Variants in ZNF136 observed in about 807,000 individuals in gnomAD.
ZNF136 encodes the protein zinc finger protein 136, also known as zinc finger protein 136 (clone pHZ-20).
A neutral mutation model predicts 11.4 loss-of-function variants in ZNF136; 8 were observed. The ratio of observed to expected loss-of-function variants is 0.70; its 90% CI spans 0.41 to 1.27. The LOEUF (loss-of-function observed/expected upper bound fraction) is 1.27, where lower values mean the gene tolerates loss of function less well. Among genes scored for constraint, ZNF136 ranks in the 50% most tolerant of loss-of-function variants. The pLI is 0.01. For synonymous variants in ZNF136, 190 were observed against 207.1 expected (o/e 0.92, Z 0.71); for missense variants, 590 against 656.5 (o/e 0.90, Z 1.11).
In ZNF136 at chr19:12,179,317, CT is replaced by C. The variant is rs941639126; in HGVS notation, c.4-6458del. On this transcript the variant is annotated intron_variant, in intron 1 of 3. Transcript: ENST00000343979. ...CAAAAGAATTTCTTTTTTTTTTTTT[CT>C]TTTTTTTTTGAGATGGAGTCTCACT... is the stretch of plus-strand genomic sequence containing the variant. Among the ~76,000 whole-genome samples the C allele has an allele frequency of 9.5e-3, 1,230 of 130,110 alleles. 17 individuals carry two copies. Among genetic ancestry groups the C allele is most frequent in the African/African-American group, 0.029 (1,076 of 36,566 alleles). The allele number at this position is 130,110 out of a possible 152,430, so 85.4% of individuals were successfully genotyped here. A position where few individuals can be genotyped will look rare whatever the true frequency, so the allele number is the denominator to read the frequency against.
At chr19:12,163,954 T>C (rs1977148896) in intron 1 of ZNF136, 2 of 152,352 alleles carry the variant, frequency 1.3e-5, no homozygotes, top group African/African-American at 2.4e-5. Context: ...CAGGGTGATA[T>C]GCCTTCAGCG....
intron 1 of ZNF136, chr19:12,185,252 G>C (rs1219129353): frequency 6.6e-6 from 1 of 152,236 alleles, no homozygotes; most frequent in Non-Finnish European, 1.5e-5. Flanking sequence ...ATGCTAATGA[G>C]CAGTGAGAGC....
intron 1 of ZNF136, among the ~76,000 whole-genome samples, chr19:12,175,196 AT>A (rs111509960): frequency 3.4e-4 from 48 of 142,836 alleles, no homozygotes; most frequent in South Asian, 6.6e-4. Context: ...TTTTCTTTCG[AT>A]TTTTTTTTTT....
At position 12,187,773 on chromosome 19, in the gene ZNF136, A is replaced by G; in HGVS notation, c.1395A>G (p.Thr465=). 6.2e-7 allele frequency: 1 copy of G among 1,612,270 alleles called. No homozygotes were observed. The highest frequency in any genetic ancestry group is 8.5e-7 in the Non-Finnish European group (1 of 1,179,386). ...KAFSYLNSFR[T]HEMIHTGEKP... ...TCAGTTATCTCAACTCCTTTCGAAC[A>G]CATGAAATGATTCACACTGGTGAGA... The change falls in exon 4 of 4, where the codon ACA becomes ACG. Residue 465 remains threonine, a synonymous_variant. Transcript: ENST00000343979.
intron 1 of ZNF136, among the ~76,000 whole-genome samples, chr19:12,164,138 A>T (rs1977151620): frequency 6.6e-6 from 1 of 152,022 alleles, no homozygotes; most frequent in Non-Finnish European, 1.5e-5. Flanking sequence ...GACTAGGATA[A>T]ATCTAGCATA....
At chr19:12,176,023 T>C (rs946900150) in intron 1 of ZNF136, among the ~76,000 whole-genome samples, 3 of 152,210 alleles carry the variant, frequency 2.0e-5, no homozygotes, top group African/African-American at 4.8e-5. Flanking sequence ...CTCATTTATT[T>C]TTAGTACCTC....
intron 1 of ZNF136, among the ~76,000 whole-genome samples, chr19:12,178,995 GA>G (rs1914868461): frequency 8.3e-6 from 1 of 119,784 alleles, no homozygotes; most frequent in African/African-American, 3.1e-5. Flanking sequence ...TCTCACAAAA[GA>G]AAAAAAAGAA....
At chr19:12,167,582 G>A (rs1404884460) in intron 1 of ZNF136, among the ~76,000 whole-genome samples, 4 of 152,234 alleles carry the variant, frequency 2.6e-5, no homozygotes, top group Admixed American at 6.5e-5. Flanking sequence ...AGATAAGACC[G>A]GGTGCGGTGG....
chr19:12,185,685 G>A (rs1915061565), intron 1 of ZNF136, 100 bp from the exon 2 acceptor site: 2 of 1,455,764 alleles, frequency 1.4e-6, no homozygotes, highest in Admixed American at 2.4e-5. Context: ...GTAAATGTTT[G>A]CAGACCCCTG....
In ZNF136 at chr19:12,186,620, G is replaced by C. The variant is rs1300532219; in HGVS notation, c.242G>C (p.Gly81Ala). 6.2e-7 allele frequency: 1 copy of C among 1,614,096 alleles called. No homozygotes were observed. The highest frequency in any genetic ancestry group is 1.1e-5 in the South Asian group (1 of 91,070). Reference sequence around the variant, plus strand: ...CAAACTAAGGATGGTAGTCAGCGTGGAGGAATTTTTAGCCAGTTTGCAAAT... The same window carrying C: ...CAAACTAAGGATGGTAGTCAGCGTGCAGGAATTTTTAGCCAGTTTGCAAAT... The part of the protein sequence containing the change: ...LYQTKDGSQR[G>A]GIFSQFANQN... The change falls in exon 4 of 4, where the codon GGA becomes GCA. Residue 81 changes from glycine (G) to alanine (A), a missense_variant. Gly to Ala is a moderately conservative substitution (Grantham distance 60). Transcript: ENST00000343979.
intron 1 of ZNF136, among the ~76,000 whole-genome samples, chr19:12,182,785 G>C (rs1914977050): frequency 6.6e-6 from 1 of 152,088 alleles, no homozygotes; most frequent in Admixed American, 6.6e-5. Context: ...CTCTGGGAAG[G>C]GTCGGTGAGC....
intron 1 of ZNF136, among the ~76,000 whole-genome samples, chr19:12,180,890 C>T (rs1450415353): frequency 1.3e-5 from 2 of 152,204 alleles, no homozygotes; most frequent in African/African-American, 4.8e-5. Context: ...GCTAGAACCA[C>T]GTTGGATCCC....
intron 1 of ZNF136, among the ~76,000 whole-genome samples, chr19:12,166,700 A>G (rs1490829483): frequency 6.6e-6 from 1 of 152,220 alleles, no homozygotes; most frequent in East Asian, 1.9e-4. Context: ...TTTGTCTGAA[A>G]ATAGTAGATT....
intron 1 of ZNF136, among the ~76,000 whole-genome samples, chr19:12,165,681 A>ACAATGTGTGTGT: frequency 6.6e-6 from 1 of 152,340 alleles, no homozygotes; most frequent in Admixed American, 6.5e-5. Context: ...CACAAAGTCT[A>ACAATGTGTGTGT]CAATGTGTGT....
At chr19:12,165,453 T>A (rs1403024415) in intron 1 of ZNF136, among the ~76,000 whole-genome samples, 2 of 152,266 alleles carry the variant, frequency 1.3e-5, no homozygotes, top group African/African-American at 4.8e-5. Context: ...GATAATGTAT[T>A]TCCCAAGAGG....
At chr19:12,186,089 G>T (rs1472250265) in intron 2 of ZNF136, 25 bp from the exon 3 acceptor site, 2 of 1,603,308 alleles carry the variant, frequency 1.2e-6, no homozygotes, top group Non-Finnish European at 1.7e-6. Context: ...CACTAATTCA[G>T]AATTTTTCTG....
intron 1 of ZNF136, among the ~76,000 whole-genome samples, chr19:12,178,711 C>G (rs972830673): frequency 6.6e-6 from 1 of 151,282 alleles, no homozygotes; most frequent in African/African-American, 2.5e-5. Flanking sequence ...GTGAATCAGG[C>G]GGGGAGGGGT....
intron 2 of ZNF136, 87 bp from the exon 3 acceptor site, chr19:12,186,027 A>T: frequency 6.3e-7 from 1 of 1,593,686 alleles, no homozygotes; most frequent in South Asian, 1.1e-5. Context: ...TAAAACAGGC[A>T]TAGTCACAGG....
At chr19:12,180,542 G>A (rs530741595) in intron 1 of ZNF136, among the ~76,000 whole-genome samples, 1 of 152,266 alleles carries the variant, frequency 6.6e-6, no homozygotes, top group East Asian at 1.9e-4. Context: ...GATGGTGTGA[G>A]ATAATACGGA....
Sources: gnomAD v4.1 joint callset for allele counts (sites outside exome capture counted in the v4.1 genomes callset) on GRCh38, gnomAD v4.1.1 for gene constraint, MANE v1.5 for transcripts, NCBI Gene and HGNC (gene_info 2026-07-23, HGNC 2026-07-21) for gene names.